ATP7A: variants seen among roughly 807,000 people sequenced by gnomAD.
The protein encoded by ATP7A is copper-transporting ATPase 1.
ATP7A carries 7 observed loss-of-function variants against 83.5 expected under a neutral mutation model. That is an observed-to-expected ratio of 0.08 (90% CI 0.05 to 0.16). The LOEUF (loss-of-function observed/expected upper bound fraction) is 0.16. Among genes scored for constraint, ATP7A ranks in the 10% least tolerant of loss-of-function variants. ATP7A has a pLI of 1.00. For missense variants in ATP7A, 940 were observed against 1,120.8 expected, an observed-to-expected ratio of 0.84 and a Z score of 2.30; for synonymous variants, 354 against 395.2, an observed-to-expected ratio of 0.90 and a Z score of 1.24.
rs781804751 is a variant in ATP7A, at chrX:77,915,254, G to T, written c.-22+4419G>T. On this transcript the variant is annotated intron_variant, in intron 1 of 22. Coordinates refer to ENST00000341514, the MANE Select transcript of ATP7A (RefSeq NM_000052.7). ...CGCTTGAGCCTGGAAGGTTGAGGCT[G>T]CAGTGAGCTGAGATCACACCACTGC... 5.4e-5 allele frequency among the ~76,000 whole-genome samples: 6 copies of T among 110,637 alleles called. No individual in the cohort carries two copies. The South Asian group carries it at 1.2e-3, about 21-fold the overall frequency.
intron 2 of ATP7A, among the ~76,000 whole-genome samples, chrX:77,986,891 C>T (rs911226765): frequency 8.9e-6 from 1 of 111,928 alleles, no homozygotes. Context: ...TCACATAATT[C>T]TCTGCTTAAC....
In ATP7A at chrX:77,998,441, A is replaced by G. The variant is rs782536831; in HGVS notation, c.1337-37A>G. On this transcript the variant is annotated intron_variant, in intron 4 of 22. Coordinates refer to ENST00000341514, the MANE Select transcript of ATP7A (RefSeq NM_000052.7). The stretch of plus-strand genomic sequence containing the variant: ...AGGCAAGGATGCAATTGAATGATCA[A>G]TACTGCAAATGAAAAGAATCTTTCC... The G allele has an allele frequency of 6.0e-6, 7 of 1,169,949 alleles. 1 individual carries two copies. The highest frequency in any genetic ancestry group is 5.4e-5 in the South Asian group (3 of 55,944).
At chrX:78,014,277 C>T (rs1052236392) in intron 10 of ATP7A, among the ~76,000 whole-genome samples, 8 of 108,306 alleles carry the variant, frequency 7.4e-5, no homozygotes, top group African/African-American at 2.0e-4. Flanking sequence ...TGGTGGCGCG[C>T]GTCTGTAATC....
chrX:78,041,482 T>A (rs1557238395), intron 19 of ATP7A, among the ~76,000 whole-genome samples: 2 of 109,709 alleles, frequency 1.8e-5, no homozygotes, highest in Non-Finnish European at 3.8e-5. Flanking sequence ...TCCATGTTGG[T>A]CAAGCTGGTC....
chrX:77,969,264 C>T, intron 1 of ATP7A: 20 of 1,211,925 alleles, frequency 1.7e-5, no homozygotes, highest in Non-Finnish European at 2.1e-5. Flanking sequence ...CGGGCTCCAT[C>T]GGAGGTGGTG....
At position 78,009,514 on chromosome X, in the gene ATP7A, T is replaced by G. The variant is rs958598154; in HGVS notation, c.1869+251T>G. The stretch of plus-strand genomic sequence containing the variant: ...CAAACAAGTTAGAACCACAAAACAC[T>G]TAAAATATTTAGAAAATGGAAATAA... On this transcript the variant is annotated intron_variant, in intron 7 of 22. Transcript: ENST00000341514. 4 of 341,382 alleles carry G rather than the reference T, an allele frequency of 1.2e-5. No homozygotes were observed. In the South Asian group the frequency reaches 2.1e-4, roughly 18 times the overall value. The allele number at this position is 341,382 out of a possible 1,213,427, so 28.1% of individuals were successfully genotyped here.
chrX:78,002,013 G>T (rs1352092640), intron 5 of ATP7A, among the ~76,000 whole-genome samples: 1 of 110,285 alleles, frequency 9.1e-6, no homozygotes, highest in Non-Finnish European at 1.9e-5. Context: ...TGTGTATGTT[G>T]GTATATTATT....
intron 1 of ATP7A, among the ~76,000 whole-genome samples, chrX:77,960,116 C>T (rs1475296595): frequency 8.9e-6 from 1 of 112,564 alleles, no homozygotes; most frequent in African/African-American, 3.2e-5. Flanking sequence ...CGTGGTGGCT[C>T]ATGCCTGTAA....
At chrX:77,971,876 T>C in intron 2 of ATP7A, 115 bp downstream of exon 2, 1 of 848,760 alleles carries the variant, frequency 1.2e-6, no homozygotes, top group Non-Finnish European at 1.7e-6. Context: ...ATAAAAACTA[T>C]TGTACTTCTT....
chrX:77,931,906 C>T (rs1348073034), intron 1 of ATP7A, among the ~76,000 whole-genome samples: 31 of 95,329 alleles, frequency 3.3e-4, no homozygotes, highest in African/African-American at 1.0e-3. Context: ...CGGGCAGAGG[C>T]GCCCCTCACC....
At position 78,018,364 on chromosome X, in the gene ATP7A, T is replaced by C. The variant is rs2077882709; in HGVS notation, c.2627-1880T>C. Among the ~76,000 whole-genome samples the C allele has an allele frequency of 3.7e-5, 4 of 109,222 alleles. No homozygotes were observed. In the Admixed American group the frequency reaches 3.9e-4, roughly 11 times the overall value. 94.8% of individuals were successfully genotyped at this position (109,222 alleles called of 115,157 possible). A position where few individuals can be genotyped will look rare whatever the true frequency, so the allele number is the denominator to read the frequency against. ...TACTAAAAATATAAAATTAGCCAGG[T>C]GTGGTGGAGCATGCCTGTAATCCTA... On this transcript the variant is annotated intron_variant, in intron 12 of 22. Coordinates refer to ENST00000341514, the MANE Select transcript of ATP7A (RefSeq NM_000052.7).
chrX:78,011,517 T>C lies in ATP7A; in HGVS notation c.2015T>C (p.Met672Thr), dbSNP rs1356535025. The C allele has an allele frequency of 8.3e-7, 1 of 1,211,205 alleles. No individual in the cohort carries two copies. ...IPVMGLMIYMMVMDHHFATLH... is the reference protein window; with the variant it reads ...IPVMGLMIYMTVMDHHFATLH... ...GTAATGGGGCTGATGATATATATGA[T>C]GGTTATGGACCACCACTTTGCAACT... is the stretch of plus-strand genomic sequence containing the variant. The change falls in exon 9 of 23, where the codon ATG becomes ACG. Residue 672 changes from methionine to threonine, a missense_variant. Met to Thr is a moderately conservative substitution (Grantham distance 81). Coordinates refer to ENST00000341514, the MANE Select transcript of ATP7A (RefSeq NM_000052.7).
rs368982547 is a variant in ATP7A at position 77,989,662 on chromosome X, T to C, written c.1040T>C (p.Ile347Thr). 1 of 1,209,692 alleles carries C rather than the reference T, an allele frequency of 8.3e-7. No homozygotes were observed. The highest frequency in any genetic ancestry group is 1.1e-6 in the Non-Finnish European group (1 of 894,991). Reference protein sequence around the residue: ...AVSPGLYRVSITSEVESTSNS... With the variant: ...AVSPGLYRVSTTSEVESTSNS... ...TCACCGGGGCTATATAGAGTTAGTA[T>C]CACAAGTGAAGTTGAGAGTACCTCA... The change falls in exon 4 of 23, where the codon ATC becomes ACC. Residue 347 changes from isoleucine to threonine, a missense_variant. Ile to Thr is a moderately conservative substitution (Grantham distance 89, BLOSUM62 -1). Around this residue, in one of 3 missense-constraint regions of ATP7A, gnomAD observed 350 missense variants for 432.8 expected, o/e 0.81. Coordinates refer to ENST00000341514, the MANE Select transcript of ATP7A (RefSeq NM_000052.7).
At chrX:78,029,138 T>C (rs1035578573) in intron 14 of ATP7A, 112 bp from the exon 15 acceptor site, 10 of 794,282 alleles carry the variant, frequency 1.3e-5, no homozygotes, top group Non-Finnish European at 1.9e-5. Context: ...GGTAGCTAGG[T>C]AGGATATGTC....
At chrX:78,019,468 T>TG (rs1339161364) in intron 12 of ATP7A, among the ~76,000 whole-genome samples, 1 of 111,263 alleles carries the variant, frequency 9.0e-6, no homozygotes, top group Non-Finnish European at 1.9e-5. Context: ...TTTTTGTTTT[T>TG]TTGTTGTTGT....
chrX:77,942,776 T>C lies in ATP7A; in HGVS notation c.-21-28845T>C, dbSNP rs148741805. On this transcript the variant is annotated intron_variant, in intron 1 of 22. Transcript: ENST00000341514. ...TTTCTCTGAAAGTATTATTTTCTTTTCACAAATGGATTTTTCTAGCTTTTG... is the reference window on the plus strand; with the variant it reads ...TTTCTCTGAAAGTATTATTTTCTTTCCACAAATGGATTTTTCTAGCTTTTG... 2.4e-4 allele frequency among the ~76,000 whole-genome samples: 26 copies of C among 110,487 alleles called. 1 individual carries two copies. The East Asian group carries it at 6.5e-3, about 28-fold the overall frequency.
intron 3 of ATP7A, 112 bp from the exon 4 acceptor site, chrX:77,989,121 T>C: frequency 2.2e-6 from 2 of 890,350 alleles, no homozygotes; most frequent in Non-Finnish European, 3.1e-6. Context: ...GAAAATATGA[T>C]GACAAGAATG....
intron 1 of ATP7A, among the ~76,000 whole-genome samples, chrX:77,920,179 G>A (rs943648567): frequency 4.6e-5 from 5 of 108,996 alleles, no homozygotes; most frequent in South Asian, 3.9e-4. Context: ...CCAGTAGTCC[G>A]CAGTATCTAT....
intron 1 of ATP7A, among the ~76,000 whole-genome samples, chrX:77,966,049 T>A (rs981693181): frequency 3.6e-5 from 4 of 112,296 alleles, no homozygotes; most frequent in Non-Finnish European, 7.5e-5. Context: ...TTTTAGGTGA[T>A]GAAAATGTTC....
Sources: allele counts gnomAD v4.1 joint callset (sites outside exome capture counted in the v4.1 genomes callset), GRCh38; gene constraint gnomAD v4.1.1; regional missense constraint gnomAD v4.1.1; transcripts MANE v1.5; gene names NCBI Gene and HGNC (gene_info 2026-07-23, HGNC 2026-07-21).